The following CIBAR2 variants were observed in gnomAD, a reference collection of about 807,000 sequenced individuals.
The protein encoded by CIBAR2 is CBY1 interacting BAR domain containing 2, also known as CBY1-interacting BAR domain-containing protein 2.
A neutral mutation model predicts 36.2 loss-of-function variants in CIBAR2; 38 were observed. The observed-to-expected ratio is 1.05, with a 90% CI of 0.81 to 1.38. The LOEUF is 1.38. Among genes scored for constraint, CIBAR2 ranks in the 40% most tolerant of loss-of-function variants. The pLI is 0.00. For missense variants in CIBAR2, 481 were observed against 383.4 expected (o/e 1.25, Z -2.13); for synonymous variants, 182 against 149.5 (o/e 1.22, Z -1.58).
At chr16:85,102,417 G>A (rs1952602083) in intron 6 of CIBAR2, 90 bp from the exon 7 acceptor site, 1 of 786,970 alleles carries the variant, frequency 1.3e-6, no homozygotes, top group Admixed American at 1.9e-5. Context: ...GTGGGGGTGT[G>A]GAGGGCTGTC....
At position 85,100,359 on chromosome 16, in the gene CIBAR2, T is replaced by C. The variant is rs1373839935; in HGVS notation, c.652-119A>G. The C allele has an allele frequency of 6.5e-6, 4 of 615,644 alleles. No individual in the cohort carries two copies. In the Admixed American group the frequency reaches 1.1e-4, roughly 17 times the overall value. The allele number at this position is 615,644 out of a possible 1,614,324, so 38.1% of individuals were successfully genotyped here. On this transcript the variant is annotated intron_variant, in intron 7 of 8. Transcript: ENST00000539556. ...CCGAGACAGCTAATGCTCATGGAAC[T>C]CCACGGTCCTCTCCAGGAGCTTCCT... is the stretch of plus-strand genomic sequence containing the variant.
At chr16:85,106,861 C>T (rs2073999828) in intron 5 of CIBAR2, among the ~76,000 whole-genome samples, 1 of 152,222 alleles carries the variant, frequency 6.6e-6, no homozygotes, top group African/African-American at 2.4e-5. Flanking sequence ...TTAGCTCCAT[C>T]AAGGGGCACT....
chr16:85,108,132 G>A lies in CIBAR2; in HGVS notation c.256-33C>T, dbSNP rs377231832. On this transcript the variant is annotated intron_variant, in intron 2 of 8. Transcript: ENST00000539556. ...AGCGGGGACACCAGGGGATCTGAGC[G>A]CAGGGTGCTGCCTGCCTCCAGCCTG... is the stretch of plus-strand genomic sequence containing the variant. 9.7e-5 allele frequency: 153 copies of A among 1,577,712 alleles called. No individual in the cohort carries two copies. In the South Asian group the frequency reaches 1.1e-3, roughly 11 times the overall value.
At chr16:85,110,892 A>C (rs147840617) in intron 1 of CIBAR2, among the ~76,000 whole-genome samples, 2 of 151,906 alleles carry the variant, frequency 1.3e-5, no homozygotes, top group Admixed American at 6.5e-5. Context: ...TTTAGTAGAG[A>C]CAGGGTTTCA....
chr16:85,110,566 C>T (rs771203522), intron 1 of CIBAR2, 106 bp from the exon 2 acceptor site: 1 of 823,130 alleles, frequency 1.2e-6, no homozygotes, highest in South Asian at 1.8e-5. Flanking sequence ...ACCAGCCGGC[C>T]TCTGGTGTGG....
At chr16:85,102,029 A>C (rs575054506) in intron 7 of CIBAR2, among the ~76,000 whole-genome samples, 185 bp downstream of exon 7, 1 of 152,214 alleles carries the variant, frequency 6.6e-6, no homozygotes, top group Non-Finnish European at 1.5e-5. Flanking sequence ...AAATAGCATT[A>C]AGAAAAATTA....
intron 8 of CIBAR2, among the ~76,000 whole-genome samples, chr16:85,099,857 G>A (rs1393586073): frequency 7.0e-6 from 1 of 143,004 alleles, no homozygotes; most frequent in Admixed American, 7.1e-5. Flanking sequence ...TGGCCAGGCT[G>A]GTCTCGAACT....
In CIBAR2 at chr16:85,110,327, G is replaced by A; in HGVS notation, c.154C>T (p.Gln52Ter). 1 of 1,612,856 alleles carries A rather than the reference G, an allele frequency of 6.2e-7. No homozygotes were observed. The highest frequency in any genetic ancestry group is 1.7e-4 in the Middle Eastern group (1 of 6,050). Reference protein sequence around the residue: ...LRDKADQLVKQLIDFANSENP... With the variant: ...LRDKADQLVK ...TCGGAGTTGGCAAAGTCGATGAGCT[G>A]CTTGACCAGCTGGTCCGCCTTGTCC... is the stretch of plus-strand genomic sequence containing the variant. The change falls in exon 2 of 9, where the codon CAG becomes TAG. Residue 52 changes from glutamine (Q) to a stop codon, truncating the protein, a stop_gained. Coordinates refer to ENST00000539556, the MANE Select transcript of CIBAR2 (RefSeq NM_198491.3). LOFTEE classifies it high-confidence loss of function.
chr16:85,099,797 CTT>C (rs71386075), intron 8 of CIBAR2, among the ~76,000 whole-genome samples: 14,641 of 77,410 alleles, frequency 0.19, 1,388 homozygotes, highest in African/African-American at 0.35. Flanking sequence ...CTAATTTTTG[CTT>C]TTTTTTTTTT....
In CIBAR2 at chr16:85,100,035, C is replaced by G. The variant is rs1051606471; in HGVS notation, c.753+104G>C. The G allele has an allele frequency of 4.6e-6, 4 of 864,216 alleles. No homozygotes were observed. The African/African-American group carries it at 6.8e-5, about 15-fold the overall frequency. The allele number at this position is 864,216 out of a possible 1,614,324, so 53.5% of individuals were successfully genotyped here. Reference sequence around the variant, plus strand: ...CCTCCTCAGCCTCCCATTTCAAATTCGAGTTCTCAGCCACCCTCCTCTAAT... The same window carrying G: ...CCTCCTCAGCCTCCCATTTCAAATTGGAGTTCTCAGCCACCCTCCTCTAAT... On this transcript the variant is annotated intron_variant, in intron 8 of 8. Coordinates refer to ENST00000539556, the MANE Select transcript of CIBAR2 (RefSeq NM_198491.3).
Position 85,099,191 on chromosome 16 carries a change from A to T in CIBAR2, c.909T>A (p.Ser303=), listed in dbSNP as rs768678421. The change falls in exon 9 of 9, where the codon TCT becomes TCA. Residue 303 remains serine, a synonymous_variant. Transcript: ENST00000539556. ...TTGCACTTACCCTACGTCGTTAGAG[A>T]GAATGTCCTGGAAGCATGAGATGCC... ...QGGHLMLPGH[S]L 1.2e-5 allele frequency: 19 copies of T among 1,576,680 alleles called. No individual in the cohort carries two copies. Among genetic ancestry groups the T allele is most frequent in the Middle Eastern group, 3.4e-4 (2 of 5,888 alleles).
rs373935750 is a variant in CIBAR2 at position 85,105,295 on chromosome 16, G to A, written c.537+32C>T. On this transcript the variant is annotated intron_variant, in intron 6 of 8. Transcript: ENST00000539556. The stretch of plus-strand genomic sequence containing the variant: ...ATGCACACACACACAAGGCAGCCCA[G>A]GGCGCCTCCCATCCCGGCCAACCAC... 9.3e-6 allele frequency: 13 copies of A among 1,402,664 alleles called. No homozygotes were observed. In the African/African-American group the frequency reaches 1.8e-4, roughly 20 times the overall value. 86.9% of individuals were successfully genotyped at this position (1,402,664 alleles called of 1,614,324 possible).
chr16:85,105,767 G>C (rs574323451), intron 5 of CIBAR2, among the ~76,000 whole-genome samples: 47 of 152,296 alleles, frequency 3.1e-4, no homozygotes, highest in African/African-American at 1.1e-3. Flanking sequence ...CACCTGCTGA[G>C]CCCTTAGGAC....
In CIBAR2 at chr16:85,099,017, C is replaced by G. The variant is rs947098240; in HGVS notation, c.*168G>C. 4.0e-6 allele frequency: 3 copies of G among 745,672 alleles called. No individual in the cohort carries two copies. The highest frequency in any genetic ancestry group is 5.8e-6 in the Non-Finnish European group (3 of 517,200). The allele number at this position is 745,672 out of a possible 1,614,324, so 46.2% of individuals were successfully genotyped here. On this transcript the variant is annotated 3_prime_UTR_variant, in exon 9 of 9. Coordinates refer to ENST00000539556, the MANE Select transcript of CIBAR2 (RefSeq NM_198491.3). Reference sequence around the variant, plus strand: ...TGCAAAATGCTCTGGAAAGTCTCAGCAACAGAATTGAACAAGTAGAAGAAG... The same window carrying G: ...TGCAAAATGCTCTGGAAAGTCTCAGGAACAGAATTGAACAAGTAGAAGAAG...
chr16:85,099,242 T>C lies in CIBAR2; in HGVS notation c.858A>G (p.Pro286=), dbSNP rs537259224. The change falls in exon 9 of 9, where the codon CCA becomes CCG. Residue 286 remains proline (P), a synonymous_variant. Transcript: ENST00000539556. ...CACCCTGCCCACACACACAGTGGGC[T>C]GGCTGCCCCTTAACCACCCACTCAC... The part of the protein sequence containing the change: ...SLCEWVVKGQ[P]AHCVCGQGGH... 2.4e-5 allele frequency: 38 copies of C among 1,612,388 alleles called. No homozygotes were observed. In the South Asian group the frequency reaches 3.7e-4, roughly 16 times the overall value.
chr16:85,107,801 C>G, intron 4 of CIBAR2, 45 bp downstream of exon 4: 1 of 1,579,350 alleles, frequency 6.3e-7, no homozygotes, highest in South Asian at 1.1e-5. Flanking sequence ...TGTGAGTGGA[C>G]ACCCTGGCCC....
intron 2 of CIBAR2, 86 bp downstream of exon 2, chr16:85,110,140 C>T: frequency 9.8e-7 from 1 of 1,016,222 alleles, no homozygotes; most frequent in South Asian, 1.6e-5. Flanking sequence ...GTGGCCACAG[C>T]AGGGCTCCTG....
chr16:85,104,903 G>T (rs1038919940), intron 6 of CIBAR2, among the ~76,000 whole-genome samples: 1 of 151,866 alleles, frequency 6.6e-6, no homozygotes, highest in African/African-American at 2.4e-5. Flanking sequence ...GTGGGGATCT[G>T]GGTGGCAGGA....
At chr16:85,107,782 A>C (rs2074007987) in intron 4 of CIBAR2, 64 bp downstream of exon 4, 5 of 1,582,894 alleles carry the variant, frequency 3.2e-6, no homozygotes, top group Non-Finnish European at 4.3e-6. Context: ...AAACCTCAGA[A>C]GACATCAGTG....
Sources: allele counts gnomAD v4.1 joint callset (sites outside exome capture counted in the v4.1 genomes callset), GRCh38; gene constraint gnomAD v4.1.1; transcripts MANE v1.5; gene names NCBI Gene and HGNC (gene_info 2026-07-23, HGNC 2026-07-21).